Variants in DPP8 observed in about 807,000 individuals in gnomAD.
DPP8 encodes the protein dipeptidyl peptidase 8.
In DPP8, 31 loss-of-function variants were observed where a neutral mutation model predicts 107.5. That is an observed-to-expected ratio of 0.29 (90% CI 0.22 to 0.39). The LOEUF (loss-of-function observed/expected upper bound fraction) is 0.39, where lower values mean the gene tolerates loss of function less well. DPP8 is among the 10% of genes least tolerant of loss of function. The probability of loss-of-function intolerance (pLI) is 1.00; values close to 1 mark genes in which losing one functional copy is unlikely to be tolerated. For missense variants in DPP8, 842 were observed against 1,076.1 expected (o/e 0.78, Z 3.04); for synonymous variants, 381 against 356.6 (o/e 1.07, Z -0.77).
Position 65,478,907 on chromosome 15 carries a change from G to A in DPP8, c.1429C>T (p.Arg477Ter). 2 of 1,580,844 alleles carry A rather than the reference G, an allele frequency of 1.3e-6. No individual in the cohort carries two copies. Among genetic ancestry groups the A allele is most frequent in the South Asian group, 1.2e-5 (1 of 83,858 alleles). ...GGAGCAGGCAGCCCACCACTGGATC[G>A]TTTATATTTGCTTTCCTTTAAAATA... is the stretch of plus-strand genomic sequence containing the variant. ...TSILKESKYK[R>*]SSGGLPAPSD... The change falls in exon 11 of 20, where the codon CGA becomes TGA. Residue 477 changes from arginine (R) to a stop codon, truncating the protein, a stop_gained. Coordinates refer to ENST00000300141, the MANE Select transcript of DPP8 (RefSeq NM_130434.5). LOFTEE classifies it high-confidence loss of function.
At chr15:65,500,437 T>G (rs542823047) in intron 4 of DPP8, among the ~76,000 whole-genome samples, 169 bp downstream of exon 4, 1 of 151,932 alleles carries the variant, frequency 6.6e-6, no homozygotes, top group South Asian at 2.1e-4. Context: ...AAAAAATCGC[T>G]CTTAAAATTG....
At chr15:65,495,614 A>C (rs558638131) in intron 5 of DPP8, among the ~76,000 whole-genome samples, 9 of 150,072 alleles carry the variant, frequency 6.0e-5, no homozygotes, top group Non-Finnish European at 1.2e-4. Flanking sequence ...AAAAACAAAC[A>C]AACAGGCTGA....
chr15:65,483,633 A>G (rs1036716808), intron 8 of DPP8, among the ~76,000 whole-genome samples: 1 of 140,358 alleles, frequency 7.1e-6, no homozygotes, highest in Non-Finnish European at 1.5e-5. Context: ...ATAAAATAAA[A>G]TAAAATAGTG....
chr15:65,512,649 G>A (rs2070942272), intron 1 of DPP8, 85 bp from the exon 2 acceptor site: 6 of 1,459,044 alleles, frequency 4.1e-6, no homozygotes, highest in Non-Finnish European at 5.6e-6. Flanking sequence ...AAAAAAAGCG[G>A]GGGAGTGGGG....
intron 17 of DPP8, among the ~76,000 whole-genome samples, chr15:65,453,500 G>A (rs2064143230): frequency 6.6e-6 from 1 of 152,190 alleles, no homozygotes; most frequent in Non-Finnish European, 1.5e-5. Context: ...TGGGCGCAGT[G>A]GTTCATGCCT....
intron 11 of DPP8, chr15:65,475,212 C>T (rs1481170472): frequency 2.1e-6 from 1 of 476,210 alleles, no homozygotes; most frequent in African/African-American, 2.0e-5. Context: ...CCAGGATACT[C>T]CCCCTCCCCT....
At chr15:65,509,858 C>A (rs531426620) in intron 2 of DPP8, among the ~76,000 whole-genome samples, 11 of 151,770 alleles carry the variant, frequency 7.2e-5, no homozygotes, top group Non-Finnish European at 1.2e-4. Flanking sequence ...CAATCTCTAC[C>A]AAAAATACAA....
intron 10 of DPP8, among the ~76,000 whole-genome samples, chr15:65,479,793 G>A (rs1259568233): frequency 6.9e-5 from 10 of 144,554 alleles, no homozygotes; most frequent in African/African-American, 2.3e-4. Flanking sequence ...GCAGTGAGCC[G>A]AGATTGCACC....
intron 15 of DPP8, among the ~76,000 whole-genome samples, chr15:65,459,233 A>G (rs770503834): frequency 2.6e-5 from 4 of 151,764 alleles, no homozygotes; most frequent in Non-Finnish European, 4.4e-5. Flanking sequence ...CTGGAGTGCA[A>G]TGGCATGATC....
intron 2 of DPP8, among the ~76,000 whole-genome samples, chr15:65,510,132 G>A (rs748983973): frequency 3.9e-5 from 6 of 151,982 alleles, no homozygotes; most frequent in Non-Finnish European, 7.4e-5. Flanking sequence ...TGGACAACAT[G>A]GCGAAACCCG....
intron 1 of DPP8, chr15:65,515,712 G>C (rs1567312935): frequency 6.2e-7 from 1 of 1,612,756 alleles, no homozygotes; most frequent in Non-Finnish European, 8.5e-7. Context: ...TCTTTTTCAA[G>C]TGACTCGACT....
rs2064214875 is a variant in DPP8 at position 65,454,221 on chromosome 15, C to A, written c.2271+42G>T. 3.7e-6 allele frequency: 5 copies of A among 1,367,728 alleles called. No individual in the cohort carries two copies. The South Asian group carries it at 7.1e-5, about 19-fold the overall frequency. The allele number at this position is 1,367,728 out of a possible 1,614,324, so 84.7% of individuals were successfully genotyped here. ...ATATATCCTCCATTTACAGAAAAAT[C>A]TACCCTTATTGCAAAAATGAGTATA... On this transcript the variant is annotated intron_variant, in intron 17 of 19. Transcript: ENST00000300141.
intron 11 of DPP8, among the ~76,000 whole-genome samples, chr15:65,476,256 C>T (rs905144606): frequency 6.6e-6 from 1 of 151,604 alleles, no homozygotes; most frequent in African/African-American, 2.4e-5. Context: ...ATTTTAAACT[C>T]GAAGAGCACA....
intron 15 of DPP8, among the ~76,000 whole-genome samples, chr15:65,460,769 C>A (rs1247839724): frequency 2.6e-5 from 4 of 152,194 alleles, no homozygotes; most frequent in Non-Finnish European, 4.4e-5. Context: ...GGCTATTGTG[C>A]ATAATGCTGC....
chr15:65,500,676 C>T lies in DPP8; in HGVS notation c.476G>A (p.Ser159Asn). 1 of 1,613,978 alleles carries T rather than the reference C, an allele frequency of 6.2e-7. No individual in the cohort carries two copies. Among genetic ancestry groups the T allele is most frequent in the Non-Finnish European group, 8.5e-7 (1 of 1,179,866 alleles). ...ACCGGCTTGAAACAGAAATGTTCCA[C>T]TTCCTTGGTGATAATCGTAAGAAGC... ...GIASYDYHQG[S>N]GTFLFQAGSG... Residue 159 changes from serine to asparagine, a missense_variant, in exon 4 of 20, where the codon AGT becomes AAT. Physicochemically the swap from Ser to Asn is conservative, Grantham distance 46. Coordinates refer to ENST00000300141, the MANE Select transcript of DPP8 (RefSeq NM_130434.5).
At chr15:65,497,386 A>T (rs1361365581) in intron 5 of DPP8, among the ~76,000 whole-genome samples, 2 of 152,096 alleles carry the variant, frequency 1.3e-5, no homozygotes, top group Admixed American at 1.3e-4. Context: ...TCTCCCAGGT[A>T]GTTGGGACTA....
intron 3 of DPP8, among the ~76,000 whole-genome samples, chr15:65,506,672 G>A (rs960530884): frequency 2.0e-5 from 3 of 148,330 alleles, no homozygotes; most frequent in Non-Finnish European, 4.5e-5. Context: ...ATAAACATAT[G>A]TGCACTGAAA....
intron 12 of DPP8, among the ~76,000 whole-genome samples, chr15:65,472,597 C>T (rs1338754672): frequency 6.6e-6 from 1 of 152,110 alleles, no homozygotes. Flanking sequence ...CTGTGCCCAG[C>T]CAGTAAACGC....
intron 16 of DPP8, 139 bp downstream of exon 16, chr15:65,456,086 A>C: frequency 9.4e-7 from 1 of 1,060,670 alleles, no homozygotes. Context: ...CTTCTCTCCC[A>C]CCCCCAAACT....
Sources: allele counts gnomAD v4.1 joint callset (sites outside exome capture counted in the v4.1 genomes callset), GRCh38; gene constraint gnomAD v4.1.1; transcripts MANE v1.5; gene names NCBI Gene and HGNC (gene_info 2026-07-23, HGNC 2026-07-21).